Variants in ZNF678 observed in about 807,000 individuals in gnomAD.
ZNF678 encodes zinc finger protein 678, also known as hypothetical protein MGC42493.
A neutral mutation model predicts 3.0 loss-of-function variants in ZNF678; 5 were observed. That is an observed-to-expected ratio of 1.69 (90% CI 0.88 to 3.56). The LOEUF (loss-of-function observed/expected upper bound fraction) is 3.56. ZNF678 is among the 30% of genes most tolerant of loss of function. The pLI is 0.00. For synonymous variants in ZNF678, 218 were observed against 199.6 expected (o/e 1.09, Z -0.78); for missense variants, 593 against 605.0 (o/e 0.98, Z 0.21).
intron 1 of ZNF678, among the ~76,000 whole-genome samples, chr1:227,608,034 C>T (rs1657921440): frequency 6.6e-6 from 1 of 151,600 alleles, no homozygotes; most frequent in South Asian, 2.1e-4. Flanking sequence ...CCAGAGTATA[C>T]AGATTATTTT....
intron 1 of ZNF678, among the ~76,000 whole-genome samples, chr1:227,613,360 T>C (rs1658070014): frequency 6.6e-6 from 1 of 152,142 alleles, no homozygotes; most frequent in African/African-American, 2.4e-5. Context: ...TTATTTATCC[T>C]CCCAGAGATG....
At chr1:227,620,685 G>C (rs1424232156) in intron 1 of ZNF678, among the ~76,000 whole-genome samples, 1 of 152,144 alleles carries the variant, frequency 6.6e-6, no homozygotes, top group Admixed American at 6.5e-5. Flanking sequence ...ATGGTAAAAA[G>C]TTTGTTGGAA....
rs1054890868 is a variant in ZNF678, at chr1:227,638,703, G to T, written c.-163-7841G>T. ...GAAATGTGGAAGTAGGGAGTAATGTGGAGTTTTGAAAGGATGTCTCTGCTT... is the reference window on the plus strand; with the variant it reads ...GAAATGTGGAAGTAGGGAGTAATGTTGAGTTTTGAAAGGATGTCTCTGCTT... On this transcript the variant is annotated intron_variant, in intron 1 of 3. Transcript: ENST00000343776. The surrounding 1 kb of genome is among the most constrained non-coding windows in gnomAD (Gnocchi z 4.2). 6.6e-6 allele frequency among the ~76,000 whole-genome samples: 1 copy of T among 152,082 alleles called. No homozygotes were observed. The highest frequency in any genetic ancestry group is 2.4e-5 in the African/African-American group (1 of 41,384).
In ZNF678 at chr1:227,654,363, T is replaced by C; in HGVS notation, c.113T>C (p.Leu38Pro). The change falls in exon 4 of 4, where the codon CTT (leucine) becomes CCT (proline). Residue 38 changes from leucine (L) to proline (P), a missense_variant. Coordinates refer to ENST00000343776, the MANE Select transcript of ZNF678 (RefSeq NM_001367909.1). ...ATTTTATCTTATTCCATTCAAGACC[T>C]TTTGCCAGAGCAGGATATGAAAGAT... ...TAILSYSIQDLLPEQDMKDLC... is the reference protein window; with the variant it reads ...TAILSYSIQDPLPEQDMKDLC... 1.3e-6 allele frequency: 2 copies of C among 1,573,356 alleles called. No individual in the cohort carries two copies. The highest frequency in any genetic ancestry group is 8.6e-7 in the Non-Finnish European group (1 of 1,164,132).
Position 227,655,663 on chromosome 1 carries a change from C to T in ZNF678, c.1413C>T (p.Asn471=), listed in dbSNP as rs1199632939. The T allele has an allele frequency of 1.2e-6, 2 of 1,611,914 alleles. No individual in the cohort carries two copies. Among genetic ancestry groups the T allele is most frequent in the African/African-American group, 2.7e-5 (2 of 74,668 alleles). ...GTGAAGAATGTGGCAAAGCCTTTAA[C>T]CAGTTCTCAAGCCTTACTCGTCATA... ...YKCEECGKAF[N]QFSSLTRHKR... The change falls in exon 4 of 4, where the codon AAC becomes AAT. Residue 471 remains asparagine, a synonymous_variant. Coordinates refer to ENST00000343776, the MANE Select transcript of ZNF678 (RefSeq NM_001367909.1).
chr1:227,640,570 T>C (rs1658794618), intron 1 of ZNF678, among the ~76,000 whole-genome samples: 1 of 152,052 alleles, frequency 6.6e-6, no homozygotes. Context: ...CATAAGGAAT[T>C]TCTCCTCATT....
chr1:227,564,576 C>T (rs1389720737), intron 1 of ZNF678, among the ~76,000 whole-genome samples: 1 of 152,226 alleles, frequency 6.6e-6, no homozygotes, highest in Non-Finnish European at 1.5e-5. Context: ...TTTTCAGTTT[C>T]TTTCCAAAAT....
intron 1 of ZNF678, among the ~76,000 whole-genome samples, chr1:227,643,190 TTAG>T (rs1461390929): frequency 2.7e-5 from 4 of 149,374 alleles, no homozygotes; most frequent in African/African-American, 9.9e-5. Flanking sequence ...GGAGGAGGAG[TTAG>T]TAGTAGTGGT....
At chr1:227,598,529 T>C in intron 1 of ZNF678, 1 of 1,190,916 alleles carries the variant, frequency 8.4e-7, no homozygotes, top group East Asian at 2.7e-5. Context: ...TTTCTCATTT[T>C]TCACTGCTTT....
At chr1:227,636,731 G>A (rs969106489) in intron 1 of ZNF678, among the ~76,000 whole-genome samples, 1 of 152,156 alleles carries the variant, frequency 6.6e-6, no homozygotes. Flanking sequence ...GAGTAGCCTT[G>A]GGGGTGAGCT....
chr1:227,592,250 A>G (rs918811177), intron 1 of ZNF678, among the ~76,000 whole-genome samples: 2 of 152,234 alleles, frequency 1.3e-5, no homozygotes, highest in African/African-American at 4.8e-5. Flanking sequence ...TTGTCAGCTA[A>G]TGATGTCCTT....
intron 1 of ZNF678, among the ~76,000 whole-genome samples, chr1:227,621,802 G>A (rs1210139385): frequency 2.6e-5 from 4 of 152,186 alleles, no homozygotes; most frequent in African/African-American, 9.6e-5. Context: ...GACAAGAAGG[G>A]AGAGAGTTAG....
At chr1:227,664,745 T>C (rs1301427881), downstream of ZNF678, among the ~76,000 whole-genome samples, 3 of 151,968 alleles carry the variant, frequency 2.0e-5, no homozygotes, top group African/African-American at 7.2e-5. Flanking sequence ...CTAAATTATC[T>C]TGGGGTCTGT....
chr1:227,636,367 C>G (rs1414891889), intron 1 of ZNF678, among the ~76,000 whole-genome samples: 3 of 152,210 alleles, frequency 2.0e-5, no homozygotes, highest in Non-Finnish European at 4.4e-5. Context: ...AGACTCCACC[C>G]TCTTCTTCTA....
chr1:227,574,944 TTTGTTG>T (rs138983303), intron 1 of ZNF678, among the ~76,000 whole-genome samples: 2 of 151,876 alleles, frequency 1.3e-5, no homozygotes, highest in South Asian at 4.2e-4. Flanking sequence ...TATGGGGTTT[TTTGTTG>T]TTGTTGTTGT....
intron 2 of ZNF678, among the ~76,000 whole-genome samples, chr1:227,649,067 T>C (rs532014044): frequency 6.6e-6 from 1 of 152,214 alleles, no homozygotes; most frequent in East Asian, 1.9e-4. Flanking sequence ...CCGAATAATA[T>C]TTTATTGTGT....
rs750221834 is a variant in ZNF678 at position 227,655,453 on chromosome 1, A to G, written c.1203A>G (p.Gly401=). The G allele has an allele frequency of 1.2e-6, 2 of 1,612,688 alleles. No homozygotes were observed. Among genetic ancestry groups the G allele is most frequent in the East Asian group, 4.5e-5 (2 of 44,814 alleles). The change falls in exon 4 of 4, where the codon GGA becomes GGG. Residue 401 remains glycine (G), a synonymous_variant. Coordinates refer to ENST00000343776, the MANE Select transcript of ZNF678 (RefSeq NM_001367909.1). ...SLTQHRRIHT[G]VKPYKCEECG... ...CTCAACATAGGAGAATTCATACTGG[A>G]GTGAAACCCTACAAATGTGAAGAAT...
In ZNF678 at chr1:227,590,243, CTT is replaced by C. The variant is rs1309703756; in HGVS notation, c.-164+26521_-164+26522del. ...CAGGCACTTGCCAGTTTCATCATGT[CTT>C]TAACTGTATCTTCGACTACTTGCCC... On this transcript the variant is annotated intron_variant, in intron 1 of 3. Transcript: ENST00000343776. 2.0e-5 allele frequency among the ~76,000 whole-genome samples: 3 copies of C among 151,828 alleles called. No individual in the cohort carries two copies. The South Asian group carries it at 6.2e-4, about 31-fold the overall frequency.
intron 1 of ZNF678, among the ~76,000 whole-genome samples, chr1:227,571,997 G>A (rs1656856243): frequency 6.6e-6 from 1 of 152,158 alleles, no homozygotes; most frequent in African/African-American, 2.4e-5. Flanking sequence ...AGCCAAGATC[G>A]CACCACTGCA....
Sources: gnomAD v4.1 joint callset for allele counts (sites outside exome capture counted in the v4.1 genomes callset) on GRCh38, gnomAD v4.1.1 for gene constraint, Gnocchi (gnomAD v3.1) non-coding constraint, MANE v1.5 for transcripts, NCBI Gene and HGNC (gene_info 2026-07-23, HGNC 2026-07-21) for gene names.